Variants in EXOC6B observed in about 807,000 individuals in gnomAD.
EXOC6B encodes the protein exocyst complex component 6B.
Under a neutral mutation model 113.5 loss-of-function variants are expected in EXOC6B, and 54 were observed. The ratio of observed to expected loss-of-function variants is 0.48; its 90% CI spans 0.38 to 0.60. EXOC6B has a LOEUF of 0.60. EXOC6B is among the 20% of genes least tolerant of loss of function. The probability of loss-of-function intolerance (pLI) is 0.00; values close to 1 mark genes in which losing one functional copy is unlikely to be tolerated. For missense variants in EXOC6B, 797 were observed against 977.5 expected, an observed-to-expected ratio of 0.82 and a Z score of 2.46; for synonymous variants, 357 against 339.0, an observed-to-expected ratio of 1.05 and a Z score of -0.58.
chr2:72,249,231 T>C (rs1032352121), intron 20 of EXOC6B, among the ~76,000 whole-genome samples: 6 of 152,178 alleles, frequency 3.9e-5, no homozygotes, highest in African/African-American at 1.4e-4. Context: ...ATACCACTTA[T>C]ACTCCAGCCT....
chr2:72,268,402 G>A (rs1333776827), intron 20 of EXOC6B, among the ~76,000 whole-genome samples: 1 of 152,034 alleles, frequency 6.6e-6, no homozygotes, highest in Non-Finnish European at 1.5e-5. Flanking sequence ...GTGAGCCACT[G>A]TGCCCAGCTC....
intron 20 of EXOC6B, among the ~76,000 whole-genome samples, chr2:72,296,813 TC>T (rs1686165655): frequency 6.6e-6 from 1 of 152,136 alleles, no homozygotes; most frequent in Non-Finnish European, 1.5e-5. Context: ...CAGTTTCTAA[TC>T]ATGAATGAAA....
At chr2:72,342,051 C>T (rs1399654840) in intron 19 of EXOC6B, among the ~76,000 whole-genome samples, 1 of 151,854 alleles carries the variant, frequency 6.6e-6, no homozygotes, top group Non-Finnish European at 1.5e-5. Flanking sequence ...TAAAAACAAA[C>T]ACAATATATC....
intron 6 of EXOC6B, among the ~76,000 whole-genome samples, chr2:72,622,222 G>A (rs1671791736): frequency 6.8e-6 from 1 of 147,988 alleles, no homozygotes; most frequent in African/African-American, 2.5e-5. Context: ...TTAAAAAACT[G>A]ATGAAGTACA....
chr2:72,808,973 G>T (rs192546807), intron 1 of EXOC6B, among the ~76,000 whole-genome samples: 3 of 152,126 alleles, frequency 2.0e-5, no homozygotes, highest in Admixed American at 6.5e-5. Flanking sequence ...GCTGAGGTGA[G>T]ATGATCACTT....
At chr2:72,780,917 T>C (rs1250853881) in intron 1 of EXOC6B, among the ~76,000 whole-genome samples, 1 of 152,190 alleles carries the variant, frequency 6.6e-6, no homozygotes, top group Non-Finnish European at 1.5e-5. Context: ...TTGTAATTGT[T>C]ACACTAAGGA....
intron 1 of EXOC6B, among the ~76,000 whole-genome samples, chr2:72,818,404 G>A (rs922790516): frequency 5.5e-5 from 8 of 145,412 alleles, no homozygotes; most frequent in South Asian, 4.4e-4. Context: ...CTCGTGATCC[G>A]CCCGCCTCGG....
At chr2:72,485,394 A>C (rs1303577846) in intron 16 of EXOC6B, among the ~76,000 whole-genome samples, 4 of 152,238 alleles carry the variant, frequency 2.6e-5, no homozygotes, top group Admixed American at 2.6e-4. Context: ...ATGAGAAGTC[A>C]CACTCTTCTT....
intron 6 of EXOC6B, among the ~76,000 whole-genome samples, chr2:72,611,416 C>A (rs1362628108): frequency 6.6e-6 from 1 of 151,410 alleles, no homozygotes; most frequent in African/African-American, 2.4e-5. Context: ...ATTTAGAAAC[C>A]ATTACAGACC....
At chr2:72,609,710 A>G (rs996128722) in intron 6 of EXOC6B, among the ~76,000 whole-genome samples, 2 of 152,030 alleles carry the variant, frequency 1.3e-5, no homozygotes, top group African/African-American at 2.4e-5. Context: ...ATACTGGCCA[A>G]AAGTTTTCCA....
chr2:72,368,617 A>C (rs1194145619), intron 19 of EXOC6B, among the ~76,000 whole-genome samples: 1 of 152,250 alleles, frequency 6.6e-6, no homozygotes, highest in African/African-American at 2.4e-5. Context: ...AATCCTCAAT[A>C]AAATACTGGC....
intron 20 of EXOC6B, among the ~76,000 whole-genome samples, chr2:72,307,179 C>T (rs886774887): frequency 9.3e-5 from 9 of 96,870 alleles, no homozygotes; most frequent in African/African-American, 6.9e-4. Context: ...TTTTTTGAGA[C>T]GGAGTCTTGC....
At chr2:72,232,164 G>A (rs997890395) in intron 20 of EXOC6B, among the ~76,000 whole-genome samples, 1 of 151,956 alleles carries the variant, frequency 6.6e-6, no homozygotes, top group Non-Finnish European at 1.5e-5. Context: ...TAGTAGAGAT[G>A]GGGTTTCAAT....
intron 20 of EXOC6B, among the ~76,000 whole-genome samples, chr2:72,301,033 T>C (rs550231854): frequency 4.6e-5 from 7 of 152,328 alleles, no homozygotes; most frequent in East Asian, 1.9e-4. Flanking sequence ...TACCTAGTTA[T>C]TGAGAGTTTT....
At chr2:72,631,751 G>A (rs553717713) in intron 6 of EXOC6B, among the ~76,000 whole-genome samples, 185 of 151,916 alleles carry the variant, frequency 1.2e-3, no homozygotes, top group African/African-American at 4.2e-3. Context: ...CAATCCACCC[G>A]CCTTGGCCTC....
intron 7 of EXOC6B, among the ~76,000 whole-genome samples, chr2:72,567,371 T>C (rs1704243583): frequency 6.6e-6 from 1 of 152,008 alleles, no homozygotes; most frequent in Non-Finnish European, 1.5e-5. Flanking sequence ...ATTTTCTGGG[T>C]ATTATATAAT....
At chr2:72,201,086 T>TTA (rs757889964) in intron 20 of EXOC6B, among the ~76,000 whole-genome samples, 110 of 151,008 alleles carry the variant, frequency 7.3e-4, no homozygotes, top group Non-Finnish European at 1.1e-3. Context: ...GTTTTTTAGT[T>TTA]TATATATATA....
chr2:72,571,373 G>A (rs577360335), intron 7 of EXOC6B, among the ~76,000 whole-genome samples: 24 of 152,028 alleles, frequency 1.6e-4, no homozygotes, highest in Non-Finnish European at 3.2e-4. Context: ...GCAACATAGT[G>A]AAGCCTCATC....
intron 1 of EXOC6B, among the ~76,000 whole-genome samples, chr2:72,805,697 T>C (rs1315864229): frequency 6.6e-6 from 1 of 152,206 alleles, no homozygotes; most frequent in African/African-American, 2.4e-5. Flanking sequence ...TTAGTAACTA[T>C]AGTCACCATG....
Sources: gnomAD v4.1 joint callset for allele counts (sites outside exome capture counted in the v4.1 genomes callset) on GRCh38, gnomAD v4.1.1 for gene constraint, MANE v1.5 for transcripts, NCBI Gene and HGNC (gene_info 2026-07-23, HGNC 2026-07-21) for gene names.